Variants in TET1 observed in about 807,000 individuals in gnomAD.
TET1 encodes the protein methylcytosine dioxygenase TET1.
Under a neutral mutation model 148.7 loss-of-function variants are expected in TET1, and 13 were observed. The observed-to-expected ratio is 0.09, with a 90% confidence interval of 0.06 to 0.14. The LOEUF (loss-of-function observed/expected upper bound fraction) is 0.14, where lower values mean the gene tolerates loss of function less well. TET1 is among the 10% of genes least tolerant of loss of function. The pLI is 1.00. For missense variants in TET1, 2,182 were observed against 2,553.8 expected (o/e 0.85, Z 3.14); for synonymous variants, 907 against 937.2 (o/e 0.97, Z 0.59).
chr10:68,580,175 C>G (rs968117837), intron 2 of TET1, among the ~76,000 whole-genome samples: 26 of 151,790 alleles, frequency 1.7e-4, no homozygotes, highest in African/African-American at 6.0e-4. Flanking sequence ...TGATCCACCC[C>G]CCTTGGCCTC....
At chr10:68,658,654 GA>G (rs1277929529) in intron 6 of TET1, among the ~76,000 whole-genome samples, 1 of 152,152 alleles carries the variant, frequency 6.6e-6, no homozygotes, top group Non-Finnish European at 1.5e-5. Context: ...CTTTGGCAGA[GA>G]TTTTTGACTC....
At position 68,634,805 on chromosome 10, in the gene TET1, C is replaced by T. The variant is rs573415773; in HGVS notation, c.1969-9893C>T. On this transcript the variant is annotated intron_variant, in intron 3 of 11. Transcript: ENST00000373644. ...TTTGAGATGTAGTCTCACTCTGTCGCCCAGTCTGGAGTGCGGTGCTGTGAT... is the reference window on the plus strand; with the variant it reads ...TTTGAGATGTAGTCTCACTCTGTCGTCCAGTCTGGAGTGCGGTGCTGTGAT... 8.9e-4 allele frequency among the ~76,000 whole-genome samples: 136 copies of T among 152,106 alleles called. No homozygotes were observed. The Middle Eastern group carries it at 0.017, about 19-fold the overall frequency.
intron 3 of TET1, among the ~76,000 whole-genome samples, chr10:68,639,742 A>G (rs1224884102): frequency 2.6e-5 from 4 of 152,124 alleles, no homozygotes; most frequent in Non-Finnish European, 5.9e-5. Context: ...CTGGGAATAC[A>G]GGCGTGAGCC....
chr10:68,613,930 C>T (rs569696648), intron 3 of TET1, among the ~76,000 whole-genome samples: 1 of 140,410 alleles, frequency 7.1e-6, no homozygotes, highest in East Asian at 2.0e-4. Flanking sequence ...AAGAGCGAGA[C>T]TTCGTCTCAA....
chr10:68,654,106 CAAA>C (rs66890965), intron 6 of TET1, among the ~76,000 whole-genome samples: 2 of 85,032 alleles, frequency 2.4e-5, no homozygotes, highest in Admixed American at 1.7e-4. Context: ...AAAATGTCTC[CAAA>C]AAAAAAAAAA....
chr10:68,681,399 GA>G lies in TET1; in HGVS notation c.4832del (p.Asn1611ThrfsTer13), dbSNP rs764225020. ...FRIDPSSPLHEKNLEDNLQSL... is the reference protein window; with the variant it reads ...FRIDPSSPLHXKNLEDNLQSL... ...CCTAATGGATTCTGTTTTCCTATAG[GA>G]AAAAAACCTTGAAGATAACTTACAG... On this transcript the variant is annotated frameshift_variant and splice_region_variant, in exon 9 of 12. Coordinates refer to ENST00000373644, the MANE Select transcript of TET1 (RefSeq NM_030625.3). LOFTEE classifies it high-confidence loss of function. 2 of 1,610,544 alleles carry G rather than the reference GA, an allele frequency of 1.2e-6. No individual in the cohort carries two copies. The highest frequency in any genetic ancestry group is 8.5e-7 in the Non-Finnish European group (1 of 1,177,448).
chr10:68,656,405 G>A (rs532707037), intron 6 of TET1, among the ~76,000 whole-genome samples: 1 of 152,184 alleles, frequency 6.6e-6, no homozygotes, highest in East Asian at 1.9e-4. Flanking sequence ...TGGGACTACA[G>A]GCGCCTGCCA....
chr10:68,607,211 A>G (rs2054136794), intron 3 of TET1, among the ~76,000 whole-genome samples: 1 of 152,042 alleles, frequency 6.6e-6, no homozygotes, highest in Non-Finnish European at 1.5e-5. Flanking sequence ...TAGTCCACAA[A>G]AGAACATATG....
At position 68,574,245 on chromosome 10, in the gene TET1, C is replaced by T. The variant is rs1368200410; in HGVS notation, c.1907C>T (p.Pro636Leu). 5.0e-6 allele frequency: 8 copies of T among 1,610,018 alleles called. No individual in the cohort carries two copies. The highest frequency in any genetic ancestry group is 5.9e-6 in the Non-Finnish European group (7 of 1,178,910). Residue 636 changes from proline (P) to leucine (L), a missense_variant, in exon 2 of 12, where the codon CCT becomes CTT. By Grantham distance (98) the Pro-to-Leu change is moderately conservative. This residue lies in a region of TET1 where 226 missense variants were observed against 307.4 expected (regional missense o/e 0.74). Transcript: ENST00000373644. ...ELKKKPSVVVPLEVIKENKRP... is the reference protein window; with the variant it reads ...ELKKKPSVVVLLEVIKENKRP... ...AAAAAGAAACCATCTGTTGTTGTGCCTCTGGAGGTAAGCAAACAGTCAAGG... is the reference window on the plus strand; with the variant it reads ...AAAAAGAAACCATCTGTTGTTGTGCTTCTGGAGGTAAGCAAACAGTCAAGG...
At chr10:68,560,908 A>AC (rs1402807218) in intron 1 of TET1, among the ~76,000 whole-genome samples, 166 bp downstream of exon 1, 1 of 151,308 alleles carries the variant, frequency 6.6e-6, no homozygotes, top group Non-Finnish European at 1.5e-5. Flanking sequence ...CCCCGCCTCG[A>AC]CCCCCCACCC....
At chr10:68,610,239 C>A (rs760614350) in intron 3 of TET1, among the ~76,000 whole-genome samples, 1 of 151,744 alleles carries the variant, frequency 6.6e-6, no homozygotes, top group Admixed American at 6.6e-5. Context: ...GCTGATATTG[C>A]GCCACTGCAC....
At chr10:68,563,716 C>T (rs977380692) in intron 1 of TET1, among the ~76,000 whole-genome samples, 7 of 152,230 alleles carry the variant, frequency 4.6e-5, no homozygotes, top group African/African-American at 7.2e-5. Flanking sequence ...GAGTCTCGCT[C>T]TGTCTCCCAG....
intron 3 of TET1, among the ~76,000 whole-genome samples, chr10:68,630,854 C>T (rs2133024598): frequency 6.6e-6 from 1 of 152,242 alleles, no homozygotes; most frequent in East Asian, 1.9e-4. Flanking sequence ...GAAGTGACGA[C>T]GATCCTAAAG....
rs541885907 is a variant in TET1 at position 68,676,715 on chromosome 10, C to T, written c.4824+3670C>T. 9.2e-5 allele frequency among the ~76,000 whole-genome samples: 14 copies of T among 152,154 alleles called. No homozygotes were observed. The East Asian group carries it at 2.3e-3, about 25-fold the overall frequency. On this transcript the variant is annotated intron_variant, in intron 8 of 11. Coordinates refer to ENST00000373644, the MANE Select transcript of TET1 (RefSeq NM_030625.3). ...TAGATGTGAGCCACTGTGCCTGGCC[C>T]ACATCAATTTTTGAGGAAACATTAA...
At chr10:68,639,405 G>A (rs1589102047) in intron 3 of TET1, among the ~76,000 whole-genome samples, 1 of 151,394 alleles carries the variant, frequency 6.6e-6, no homozygotes, top group Admixed American at 6.6e-5. Flanking sequence ...TCGGGTGACA[G>A]AGCAAGACTC....
intron 2 of TET1, among the ~76,000 whole-genome samples, chr10:68,592,209 G>A (rs10998313): frequency 0.16 from 23,614 of 151,326 alleles, 2,002 homozygotes; most frequent in South Asian, 0.24. Flanking sequence ...CCAGCTACTC[G>A]GGAGGCTGAG....
chr10:68,691,036 C>G lies in TET1; in HGVS notation c.5633C>G (p.Thr1878Ser). 6.2e-7 allele frequency: 1 copy of G among 1,614,176 alleles called. No homozygotes were observed. Among genetic ancestry groups the G allele is most frequent in the Non-Finnish European group, 8.5e-7 (1 of 1,180,018 alleles). ...TGCGGGTTTTCAGAAAGAAGCAGCA[C>G]TCCCCACTGTACGATGCCTTCGGGA... is the stretch of plus-strand genomic sequence containing the variant. The part of the protein sequence containing the change: ...ASCGFSERSS[T>S]PHCTMPSGRL... The change falls in exon 12 of 12, where the codon ACT becomes AGT. Residue 1878 changes from threonine to serine, a missense_variant. Coordinates refer to ENST00000373644, the MANE Select transcript of TET1 (RefSeq NM_030625.3). This position sits in a 1 kb window ranked among gnomAD's most constrained non-coding sequence, Gnocchi z 4.4.
In TET1 at chr10:68,572,850, C is replaced by A; in HGVS notation, c.512C>A (p.Thr171Asn). The change falls in exon 2 of 12, where the codon ACT becomes AAT. Residue 171 changes from threonine (T) to asparagine (N), a missense_variant. This residue lies in a region of TET1 where 665 missense variants were observed against 672.4 expected (regional missense o/e 0.99). Transcript: ENST00000373644. ...QDTQVLPDIE[T>N]LIGVQNPSLL... ...ACCCAAGTCCTTCCTGATATAGAGA[C>A]TCTAATTGGTGTACAAAATCCCTCT... The A allele has an allele frequency of 6.2e-7, 1 of 1,614,142 alleles. No individual in the cohort carries two copies. Among genetic ancestry groups the A allele is most frequent in the Non-Finnish European group, 8.5e-7 (1 of 1,180,028 alleles).
At chr10:68,672,487 C>CAAAAAAAAAAAAAAAAAAAAAAAAAA (rs71483920) in intron 7 of TET1, among the ~76,000 whole-genome samples, 2 of 49,734 alleles carry the variant, frequency 4.0e-5, no homozygotes, top group Non-Finnish European at 6.4e-5. Flanking sequence ...GACCCCATCT[C>CAAAAAAAAAAAAAAAAAAAAAAAAAA]AAAAAAAAAA....
Sources: allele counts gnomAD v4.1 joint callset (sites outside exome capture counted in the v4.1 genomes callset), GRCh38; gene constraint gnomAD v4.1.1; regional missense constraint gnomAD v4.1.1; non-coding constraint Gnocchi (gnomAD v3.1); transcripts MANE v1.5; gene names NCBI Gene and HGNC (gene_info 2026-07-23, HGNC 2026-07-21).